PCDHGB6: variants seen among roughly 807,000 people sequenced by gnomAD.
PCDHGB6 encodes the protein protocadherin gamma subfamily B, 6.
In PCDHGB6, 51 loss-of-function variants were observed where a neutral mutation model predicts 59.1. The ratio of observed to expected loss-of-function variants is 0.86; its 90% CI spans 0.69 to 1.09. PCDHGB6 has a LOEUF of 1.09. PCDHGB6 is among the 50% of genes least tolerant of loss of function. The probability of loss-of-function intolerance (pLI) is 0.00; values close to 1 mark genes in which losing one functional copy is unlikely to be tolerated. For synonymous variants in PCDHGB6, 466 were observed against 495.1 expected (o/e 0.94, Z 0.78); for missense variants, 1,148 against 1,205.1 (o/e 0.95, Z 0.70).
At chr5:141,452,854 A>G (rs137963870) in intron 1 of PCDHGB6, among the ~76,000 whole-genome samples, 109 of 152,264 alleles carry the variant, frequency 7.2e-4, no homozygotes, top group African/African-American at 2.5e-3. Flanking sequence ...CTCTGGGGAG[A>G]TGATTTTCTA....
intron 1 of PCDHGB6, among the ~76,000 whole-genome samples, chr5:141,492,409 C>G (rs1367119266): frequency 6.6e-6 from 1 of 152,230 alleles, no homozygotes; most frequent in Non-Finnish European, 1.5e-5. Flanking sequence ...TCCCCTCTGC[C>G]GCTCCCTCCG....
At chr5:141,457,448 A>G (rs1296079061) in intron 1 of PCDHGB6, among the ~76,000 whole-genome samples, 2 of 152,196 alleles carry the variant, frequency 1.3e-5, no homozygotes, top group Non-Finnish European at 2.9e-5. Flanking sequence ...GCAGAAGATC[A>G]CCACTTGATT....
chr5:141,417,919 G>C, intron 1 of PCDHGB6: 1 of 1,605,944 alleles, frequency 6.2e-7, no homozygotes, highest in Non-Finnish European at 8.5e-7. Flanking sequence ...TATTTCCTTT[G>C]CTGCTGCCTT....
intron 3 of PCDHGB6, among the ~76,000 whole-genome samples, chr5:141,509,069 G>A (rs1463164307): frequency 2.6e-5 from 4 of 152,174 alleles, no homozygotes; most frequent in African/African-American, 9.7e-5. Context: ...CTCAGCTCCG[G>A]GGATTTGCGA....
At chr5:141,458,403 C>T (rs1057108239) in intron 1 of PCDHGB6, among the ~76,000 whole-genome samples, 6 of 152,136 alleles carry the variant, frequency 3.9e-5, no homozygotes, top group African/African-American at 1.2e-4. Context: ...CTTGCAGAGA[C>T]GGAGCGGGGG....
At chr5:141,509,544 A>AT (rs1312201678) in intron 3 of PCDHGB6, among the ~76,000 whole-genome samples, 1 of 152,150 alleles carries the variant, frequency 6.6e-6, no homozygotes, top group Non-Finnish European at 1.5e-5. Context: ...GCACCATCTC[A>AT]TTTAGTCCTC....
intron 1 of PCDHGB6, among the ~76,000 whole-genome samples, chr5:141,459,348 C>G (rs1015330513): frequency 2.6e-5 from 4 of 152,194 alleles, no homozygotes; most frequent in Admixed American, 2.0e-4. Context: ...TCTTGAAATT[C>G]ATTCATGTTC....
intron 1 of PCDHGB6, chr5:141,422,687 T>C: frequency 6.2e-7 from 1 of 1,604,936 alleles, no homozygotes; most frequent in Non-Finnish European, 8.5e-7. Flanking sequence ...CAGAATGCCC[T>C]GGTCACTTAC....
At chr5:141,425,805 C>T (rs1419480761) in intron 1 of PCDHGB6, among the ~76,000 whole-genome samples, 1 of 152,158 alleles carries the variant, frequency 6.6e-6, no homozygotes, top group African/African-American at 2.4e-5. Context: ...TGCATTGCTT[C>T]TGCTTAGAAA....
At chr5:141,482,530 CAAAAAAA>C (rs3074545) in intron 1 of PCDHGB6, among the ~76,000 whole-genome samples, 2 of 76,560 alleles carry the variant, frequency 2.6e-5, no homozygotes, top group South Asian at 4.6e-4. Flanking sequence ...GACAGACATG[CAAAAAAA>C]AAAAAAAAAA....
At chr5:141,422,942 G>A (rs199976232) in intron 1 of PCDHGB6, 5 of 1,614,096 alleles carry the variant, frequency 3.1e-6, no homozygotes, top group Non-Finnish European at 4.2e-6. Flanking sequence ...CCCACAGACG[G>A]CTCCACTGGC....
chr5:141,431,658 C>T lies in PCDHGB6; in HGVS notation c.2418+21038C>T, dbSNP rs1283381348. 6.2e-7 allele frequency: 1 copy of T among 1,614,088 alleles called. No individual in the cohort carries two copies. ...TTCAAACTAGATTGTAATTCAGGGA[C>T]AATATCAACAATAGGGGAGTTGGAC... On this transcript the variant is annotated intron_variant, in intron 1 of 3. Transcript: ENST00000520790. The surrounding 1 kb of genome is among the most constrained non-coding windows in gnomAD (Gnocchi z 4.8).
In PCDHGB6 at chr5:141,486,421, G is replaced by C; in HGVS notation, c.2419-8386G>C. 1 of 1,614,152 alleles carries C rather than the reference G, an allele frequency of 6.2e-7. No individual in the cohort carries two copies. Among genetic ancestry groups the C allele is most frequent in the African/African-American group, 1.3e-5 (1 of 75,028 alleles). On this transcript the variant is annotated intron_variant, in intron 1 of 3. Coordinates refer to ENST00000520790, the MANE Select transcript of PCDHGB6 (RefSeq NM_018926.3). This position sits in a 1 kb window ranked among gnomAD's most constrained non-coding sequence, Gnocchi z 5.0. Reference sequence around the variant, plus strand: ...TGACTGCTGGACCCTTGGATCGAGAGGCCAAATCTAGCTATGACATCATGG... The same window carrying C: ...TGACTGCTGGACCCTTGGATCGAGACGCCAAATCTAGCTATGACATCATGG...
At chr5:141,411,890 G>T (rs2095521758) in intron 1 of PCDHGB6, 1 of 152,148 alleles carries the variant, frequency 6.6e-6, no homozygotes, top group South Asian at 2.1e-4. Context: ...AGAAATAAAT[G>T]AAATACTATT....
rs2095371499 is a variant in PCDHGB6 at position 141,410,246 on chromosome 5, TCTGACCCCCAGG to T, written c.2049_2060del (p.Asp683_Ala686del). 1.2e-6 allele frequency: 2 copies of T among 1,614,004 alleles called. No homozygotes were observed. Among genetic ancestry groups the T allele is most frequent in the Admixed American group, 3.3e-5 (2 of 60,034 alleles). ...AGACCTCAGCGACCGCCCTGTACTC[TCTGACCCCCAGG>T]CTGAACTGCAGTTTTACCTGGTGGT... On this transcript the variant is annotated inframe_deletion, in exon 1 of 4. Transcript: ENST00000520790.
At position 141,489,760 on chromosome 5, in the gene PCDHGB6, C is replaced by A; in HGVS notation, c.2419-5047C>A. 1 of 1,614,086 alleles carries A rather than the reference C, an allele frequency of 6.2e-7. No individual in the cohort carries two copies. Among genetic ancestry groups the A allele is most frequent in the Non-Finnish European group, 8.5e-7 (1 of 1,179,970 alleles). On this transcript the variant is annotated intron_variant, in intron 1 of 3. Coordinates refer to ENST00000520790, the MANE Select transcript of PCDHGB6 (RefSeq NM_018926.3). This position sits in a 1 kb window ranked among gnomAD's most constrained non-coding sequence, Gnocchi z 4.5. ...TACTGTGAGCTTTTACACTCTAAGC[C>A]CCAACAGCCACTTCTCTCTGAATGT...
At chr5:141,445,118 G>A (rs964726987) in intron 1 of PCDHGB6, among the ~76,000 whole-genome samples, 1 of 152,148 alleles carries the variant, frequency 6.6e-6, no homozygotes, top group Non-Finnish European at 1.5e-5. Flanking sequence ...ATTGTAAATA[G>A]TATTTTTAAA....
chr5:141,409,193 T>C lies in PCDHGB6; in HGVS notation c.991T>C (p.Cys331Arg), dbSNP rs1268258873. 4 of 1,613,870 alleles carry C rather than the reference T, an allele frequency of 2.5e-6. No individual in the cohort carries two copies. The highest frequency in any genetic ancestry group is 1.7e-5 in the Admixed American group (1 of 60,004). Residue 331 changes from cysteine (C) to arginine (R), a missense_variant, in exon 1 of 4, where the codon TGT (cysteine) becomes CGT (arginine). By Grantham distance (180) the Cys-to-Arg change is radical (BLOSUM62 -3). Around this residue, in one of 5 missense-constraint regions of PCDHGB6, gnomAD observed 549 missense variants for 527.5 expected, o/e 1.04. Transcript: ENST00000520790. ...GGACGGAGGTGGTCTCTCTACCCAG[T>C]GTAAAGTAATCATAGAAATCCTTGA... ...AKDGGGLSTQ[C>R]KVIIEILDEN... is the part of the protein sequence containing the mutation.
At position 141,431,871 on chromosome 5, in the gene PCDHGB6, T is replaced by C; in HGVS notation, c.2418+21251T>C. The C allele has an allele frequency of 1.9e-6, 3 of 1,614,234 alleles. No homozygotes were observed. The highest frequency in any genetic ancestry group is 2.5e-6 in the Non-Finnish European group (3 of 1,180,032). The stretch of plus-strand genomic sequence containing the variant: ...GGGACATTAATTGCCCTTTTAAATG[T>C]AAATGACCAAGATTCTGAGGAAAAC... On this transcript the variant is annotated intron_variant, in intron 1 of 3. Coordinates refer to ENST00000520790, the MANE Select transcript of PCDHGB6 (RefSeq NM_018926.3). The surrounding 1 kb of genome is among the most constrained non-coding windows in gnomAD (Gnocchi z 4.8).
Sources: allele counts gnomAD v4.1 joint callset (sites outside exome capture counted in the v4.1 genomes callset), GRCh38; gene constraint gnomAD v4.1.1; regional missense constraint gnomAD v4.1.1; non-coding constraint Gnocchi (gnomAD v3.1); transcripts MANE v1.5; gene names NCBI Gene and HGNC (gene_info 2026-07-23, HGNC 2026-07-21).